ACTR3C: variants seen among roughly 807,000 people sequenced by gnomAD.
ACTR3C encodes the protein actin-related protein 3C.
Under a neutral mutation model 26.3 loss-of-function variants are expected in ACTR3C, and 18 were observed. The ratio of observed to expected loss-of-function variants is 0.68; its 90% CI spans 0.47 to 1.01. ACTR3C has a LOEUF of 1.01. ACTR3C is among the 50% of genes least tolerant of loss of function. The pLI is 0.00. For synonymous variants in ACTR3C, 55 were observed against 94.5 expected, an observed-to-expected ratio of 0.58 and a Z score of 2.42; for missense variants, 184 against 250.7, an observed-to-expected ratio of 0.73 and a Z score of 1.80.
chr7:150,149,440 A>G, the ACTR3C span, among the ~76,000 whole-genome samples: 9 of 150,944 alleles, frequency 6.0e-5, no homozygotes, highest in African/African-American at 2.2e-4. Context: ...GGTGTACTGC[A>G]CTCATTAACT....
the ACTR3C span, among the ~76,000 whole-genome samples, chr7:150,060,359 C>T: frequency 6.6e-6 from 1 of 150,672 alleles, no homozygotes; most frequent in Admixed American, 6.6e-5. Flanking sequence ...GTGAATAAAT[C>T]AGCATTAAAA....
At chr7:149,972,443 A>G in the ACTR3C span, among the ~76,000 whole-genome samples, 1 of 152,202 alleles carries the variant, frequency 6.6e-6, no homozygotes, top group African/African-American at 2.4e-5. Flanking sequence ...CTGCTCCCAC[A>G]GTGCTGGTGC....
At chr7:150,162,853 C>T in the ACTR3C span, among the ~76,000 whole-genome samples, 88 of 152,182 alleles carry the variant, frequency 5.8e-4, no homozygotes, top group East Asian at 7.5e-3. Context: ...GCAAGCTAGA[C>T]ATCAGAAGTA....
the ACTR3C span, among the ~76,000 whole-genome samples, chr7:150,234,934 T>C: frequency 6.6e-6 from 1 of 152,128 alleles, no homozygotes; most frequent in Non-Finnish European, 1.5e-5. Flanking sequence ...AAGAGAAAAA[T>C]AGTGTCTTCC....
chr7:150,026,172 C>T, the ACTR3C span, among the ~76,000 whole-genome samples: 2 of 152,160 alleles, frequency 1.3e-5, no homozygotes, highest in African/African-American at 4.8e-5. Flanking sequence ...CAAAAAAATA[C>T]AACCAGTATG....
chr7:150,261,264 T>C (rs1209416843), intron 6 of ACTR3C, among the ~76,000 whole-genome samples: 1 of 152,176 alleles, frequency 6.6e-6, no homozygotes, highest in Non-Finnish European at 1.5e-5. Context: ...ATAATGGAAG[T>C]AGAGGCTAAA....
the ACTR3C span, among the ~76,000 whole-genome samples, chr7:150,085,691 G>A: frequency 2.0e-5 from 3 of 152,034 alleles, no homozygotes; most frequent in Admixed American, 2.0e-4. Flanking sequence ...CATTCTAAAG[G>A]GTATTCTGAG....
chr7:150,106,040 A>G, the ACTR3C span, among the ~76,000 whole-genome samples: 8 of 152,194 alleles, frequency 5.3e-5, no homozygotes, highest in East Asian at 1.5e-3. Context: ...CAAAACAGAA[A>G]AATAAGCTTA....
At chr7:150,228,061 G>A in the ACTR3C span, among the ~76,000 whole-genome samples, 1 of 152,082 alleles carries the variant, frequency 6.6e-6, no homozygotes, top group African/African-American at 2.4e-5. Flanking sequence ...TATTTGAATT[G>A]TAATTCCAGT....
chr7:150,304,420 AT>A (rs1164683204), intron 1 of ACTR3C, among the ~76,000 whole-genome samples: 1 of 152,172 alleles, frequency 6.6e-6, no homozygotes, highest in Non-Finnish European at 1.5e-5. Context: ...CATCTCTAAA[AT>A]ACCAAGGATG....
At chr7:150,042,111 C>A in the ACTR3C span, among the ~76,000 whole-genome samples, 90 of 48,996 alleles carry the variant, frequency 1.8e-3, 4 homozygotes, top group Non-Finnish European at 3.2e-3. Flanking sequence ...GGTGCCTCCC[C>A]CCTCTGCGAT....
the ACTR3C span, chr7:150,000,813 T>G: frequency 5.8e-5 from 8 of 137,908 alleles, no homozygotes; most frequent in Non-Finnish European, 1.3e-4. Context: ...TCCCCTCGAC[T>G]CCCTGGTCTC....
At chr7:149,997,462 T>C in the ACTR3C span, among the ~76,000 whole-genome samples, 1 of 152,056 alleles carries the variant, frequency 6.6e-6, no homozygotes, top group African/African-American at 2.4e-5. Context: ...AGGTTTTTTG[T>C]TGCTCACTGC....
the ACTR3C span, among the ~76,000 whole-genome samples, chr7:149,937,185 T>C: frequency 4.9e-4 from 6 of 12,302 alleles, no homozygotes; most frequent in Non-Finnish European, 4.5e-3. Context: ...GACCCTGTAT[T>C]TGTAGCGCTT....
chr7:150,261,130 G>C lies in ACTR3C; in HGVS notation c.565-12076C>G, dbSNP rs193052411. Among the ~76,000 whole-genome samples, 304 of 152,328 alleles carry C rather than the reference G, an allele frequency of 2.0e-3. 1 individual carries two copies. Among genetic ancestry groups the C allele is most frequent in the Non-Finnish European group, 2.1e-3 (140 of 68,030 alleles). ...AATTATAATTTCAAAGTCATGCTGAGAGTAAACTTTTCAAGATATTTGGAG... is the reference window on the plus strand; with the variant it reads ...AATTATAATTTCAAAGTCATGCTGACAGTAAACTTTTCAAGATATTTGGAG... On this transcript the variant is annotated intron_variant, in intron 6 of 7. Coordinates refer to ENST00000683684, the MANE Select transcript of ACTR3C (RefSeq NM_001164458.2).
chr7:150,206,665 A>G, the ACTR3C span, among the ~76,000 whole-genome samples: 2 of 151,856 alleles, frequency 1.3e-5, no homozygotes, highest in African/African-American at 4.8e-5. Context: ...CAGGTGATCC[A>G]CACGCCTTGG....
the ACTR3C span, among the ~76,000 whole-genome samples, chr7:150,157,669 C>T: frequency 2.6e-5 from 4 of 152,326 alleles, no homozygotes; most frequent in African/African-American, 9.6e-5. Context: ...GCTGCAAGTT[C>T]CTCCAACTCA....
the ACTR3C span, among the ~76,000 whole-genome samples, chr7:150,007,044 G>A: frequency 5.3e-5 from 8 of 152,194 alleles, no homozygotes; most frequent in African/African-American, 1.2e-4. Flanking sequence ...GTATGAATTT[G>A]CAGGTCGGGG....
chr7:149,956,829 C>A, the ACTR3C span, among the ~76,000 whole-genome samples: 1 of 152,168 alleles, frequency 6.6e-6, no homozygotes, highest in Non-Finnish European at 1.5e-5. Context: ...TGAGCAGCTA[C>A]CCCCATCAGA....
Sources: allele counts gnomAD v4.1 joint callset (sites outside exome capture counted in the v4.1 genomes callset), GRCh38; gene constraint gnomAD v4.1.1; transcripts MANE v1.5; gene names NCBI Gene and HGNC (gene_info 2026-07-23, HGNC 2026-07-21).